Variants in CPAMD8 observed in about 807,000 individuals in gnomAD.
CPAMD8 encodes C3 and PZP-like alpha-2-macroglobulin domain-containing protein 8.
CPAMD8 carries 146 observed loss-of-function variants against 224.7 expected under a neutral mutation model. That is an observed-to-expected ratio of 0.65 (90% CI 0.57 to 0.75). CPAMD8 has a LOEUF of 0.75. Ranked by LOEUF, CPAMD8 falls within the 30% of genes least tolerant of loss-of-function variation. The pLI, the probability that CPAMD8 is intolerant of heterozygous loss-of-function variation, is 0.00. For synonymous variants in CPAMD8, 966 were observed against 1,044.6 expected, an observed-to-expected ratio of 0.92 and a Z score of 1.45; for missense variants, 2,301 against 2,537.5, an observed-to-expected ratio of 0.91 and a Z score of 2.00.
intron 23 of CPAMD8, among the ~76,000 whole-genome samples, chr19:16,929,911 C>T (rs1381632647): frequency 6.6e-6 from 1 of 152,042 alleles, no homozygotes; most frequent in East Asian, 1.9e-4. Context: ...AGTCAAAATC[C>T]CAGGAGGCTC....
intron 30 of CPAMD8, among the ~76,000 whole-genome samples, chr19:16,906,337 CCTTTCTTTCTTT>C (rs35867251): frequency 0.021 from 1,698 of 81,584 alleles, 54 homozygotes; most frequent in East Asian, 0.057. Context: ...TCCTTCTTTC[CCTTTCTTTCTTT>C]CTTTCTTTCT....
chr19:16,985,718 G>T (rs1055568280), intron 13 of CPAMD8, among the ~76,000 whole-genome samples: 1 of 148,554 alleles, frequency 6.7e-6, no homozygotes, highest in African/African-American at 2.5e-5. Flanking sequence ...GAAGATGAGT[G>T]GATAAAGGGT....
chr19:16,926,591 C>T (rs1307422463), intron 25 of CPAMD8, among the ~76,000 whole-genome samples: 1 of 152,206 alleles, frequency 6.6e-6, no homozygotes, highest in Non-Finnish European at 1.5e-5. Flanking sequence ...GCTGGGATTA[C>T]AGGCGTGAGC....
At chr19:16,895,393 C>A (rs1317551972) in intron 41 of CPAMD8, 2 of 158,276 alleles carry the variant, frequency 1.3e-5, no homozygotes, top group African/African-American at 4.8e-5. Flanking sequence ...TATGGATACA[C>A]GAAACAACAC....
chr19:16,987,179 A>AAAAATATATATATAT (rs1555784836), intron 13 of CPAMD8, among the ~76,000 whole-genome samples: 1 of 53,916 alleles, frequency 1.9e-5, no homozygotes, highest in Non-Finnish European at 2.9e-5. Context: ...AAAAAAAAAA[A>AAAAATATATATATAT]ATATATATAT....
At chr19:16,906,354 CTT>C (rs1301499865) in intron 30 of CPAMD8, among the ~76,000 whole-genome samples, 1 of 32,048 alleles carries the variant, frequency 3.1e-5, no homozygotes, top group Admixed American at 3.9e-4. Context: ...TTCTTTCTTT[CTT>C]TCTTTCTTTC....
chr19:16,915,272 A>T (rs997154735), intron 27 of CPAMD8, among the ~76,000 whole-genome samples: 3 of 151,996 alleles, frequency 2.0e-5, no homozygotes, highest in Non-Finnish European at 2.9e-5. Flanking sequence ...AGTCATGGGC[A>T]TTCCAGTTTC....
chr19:17,004,894 T>C (rs11086048), intron 7 of CPAMD8, among the ~76,000 whole-genome samples: 28,278 of 147,248 alleles, frequency 0.19, 3,086 homozygotes, highest in African/African-American at 0.31. Flanking sequence ...GTCCCCCAGA[T>C]ACTGCCAATA....
At chr19:16,979,079 C>A (rs2122740833) in intron 14 of CPAMD8, among the ~76,000 whole-genome samples, 1 of 151,668 alleles carries the variant, frequency 6.6e-6, no homozygotes, top group East Asian at 2.0e-4. Context: ...TTCCATCCAT[C>A]ATCCCCCATT....
Position 16,987,180 on chromosome 19 carries a change from ATATATAT to A in CPAMD8, c.1395+2456_1395+2462del, listed in dbSNP as rs796377546. ...AAAAAAAAAAAAAAAAAAAAAAAAA[ATATATAT>A]ATATATATATATATATATATATGTA... On this transcript the variant is annotated intron_variant, in intron 13 of 41. Transcript: ENST00000443236. Among the ~76,000 whole-genome samples, 306 of 41,950 alleles carry A rather than the reference ATATATAT, an allele frequency of 7.3e-3. 17 individuals carry two copies. The highest frequency in any genetic ancestry group is 0.018 in the African/African-American group (153 of 8,490). 27.5% of individuals were successfully genotyped at this position (41,950 alleles called of 152,430 possible).
chr19:16,893,217 A>G lies in CPAMD8; in HGVS notation c.5549T>C (p.Val1850Ala), dbSNP rs779424131. Residue 1850 changes from valine (V) to alanine (A), a missense_variant, in exon 42 of 42, where the codon GTG (valine) becomes GCG (alanine). By Grantham distance (64) the Val-to-Ala change is moderately conservative. Transcript: ENST00000443236. The stretch of plus-strand genomic sequence containing the variant: ...CAGAAGCCCTGGCCTGTGGGCCCCC[A>G]CCACCCGGCCACTATGTCTCTGAGG... ...PAPQRHSGRV[V>A]GAHRPGLLSP... 4.7e-5 allele frequency: 75 copies of G among 1,590,892 alleles called. No individual in the cohort carries two copies. Among genetic ancestry groups the G allele is most frequent in the Non-Finnish European group, 5.7e-5 (66 of 1,167,330 alleles).
chr19:17,005,297 C>T (rs2056456041), intron 7 of CPAMD8, among the ~76,000 whole-genome samples: 1 of 152,144 alleles, frequency 6.6e-6, no homozygotes, highest in South Asian at 2.1e-4. Context: ...GCCAGTTGCA[C>T]CCCTTGTCCT....
chr19:16,977,254 C>T, intron 15 of CPAMD8, 114 bp downstream of exon 15: 1 of 697,120 alleles, frequency 1.4e-6, no homozygotes, highest in Non-Finnish European at 2.5e-6. Context: ...TAATTCCTTA[C>T]ATCATGCTGC....
rs1259694089 is a variant in CPAMD8, at chr19:16,957,845, T to C, written c.2276+8A>G. On this transcript the variant is annotated splice_region_variant and intron_variant, in intron 19 of 41. Transcript: ENST00000443236. ...CAAAGTCAGCGCAGAAAAGAAATCT[T>C]AATGTACCTGATGTTGAGACAATGC... 2 of 1,613,988 alleles carry C rather than the reference T, an allele frequency of 1.2e-6. No homozygotes were observed. The highest frequency in any genetic ancestry group is 3.3e-5 in the Admixed American group (2 of 59,986).
chr19:16,895,043 G>C (rs947252961), intron 41 of CPAMD8: 1 of 157,098 alleles, frequency 6.4e-6, no homozygotes, highest in African/African-American at 2.4e-5. Flanking sequence ...AGCTCAGGAG[G>C]TCAAGGCTGC....
chr19:16,923,623 G>C (rs1160890907), intron 26 of CPAMD8, among the ~76,000 whole-genome samples: 1 of 152,216 alleles, frequency 6.6e-6, no homozygotes, highest in Non-Finnish European at 1.5e-5. Flanking sequence ...AGAGCATCTT[G>C]GATTTATTTA....
intron 3 of CPAMD8, among the ~76,000 whole-genome samples, chr19:17,018,449 A>G (rs1239462345): frequency 6.6e-6 from 1 of 152,180 alleles, no homozygotes; most frequent in African/African-American, 2.4e-5. Context: ...AGGACACAGC[A>G]AGACCCAGTG....
At chr19:17,018,691 T>C (rs897683851) in intron 3 of CPAMD8, among the ~76,000 whole-genome samples, 1 of 148,998 alleles carries the variant, frequency 6.7e-6, no homozygotes, top group Non-Finnish European at 1.5e-5. Context: ...CTGGCCAACA[T>C]GGTAAAACCC....
At chr19:16,939,928 T>G (rs1160755730) in intron 22 of CPAMD8, among the ~76,000 whole-genome samples, 1 of 151,950 alleles carries the variant, frequency 6.6e-6, no homozygotes, top group Non-Finnish European at 1.5e-5. Flanking sequence ...TTTTGTTTTT[T>G]TTTAGATGGA....
Sources: gnomAD v4.1 joint callset for allele counts (sites outside exome capture counted in the v4.1 genomes callset) on GRCh38, gnomAD v4.1.1 for gene constraint, MANE v1.5 for transcripts, NCBI Gene and HGNC (gene_info 2026-07-23, HGNC 2026-07-21) for gene names.